The following NRG1 variants were observed in gnomAD, a reference collection of about 807,000 sequenced individuals.
NRG1 encodes the protein pro-neuregulin-1, membrane-bound isoform.
A neutral mutation model predicts 63.8 loss-of-function variants in NRG1; 18 were observed. The ratio of observed to expected loss-of-function variants is 0.28; its 90% CI spans 0.19 to 0.42. NRG1 has a LOEUF of 0.42. NRG1 is among the 10% of genes least tolerant of loss of function. NRG1 has a pLI of 1.00. For missense variants in NRG1, 762 were observed against 814.7 expected, an observed-to-expected ratio of 0.94 and a Z score of 0.79; for synonymous variants, 302 against 301.3, an observed-to-expected ratio of 1.00 and a Z score of -0.02.
At chr8:32,555,140 T>TGCAAGAGGA (rs1834877347) in intron 1 of NRG1, among the ~76,000 whole-genome samples, 3 of 152,192 alleles carry the variant, frequency 2.0e-5, no homozygotes, top group Admixed American at 6.5e-5. Flanking sequence ...TCTGTCAGAT[T>TGCAAGAGGA]AATTCCCTCT....
intron 1 of NRG1, among the ~76,000 whole-genome samples, chr8:32,183,253 G>T (rs568250622): frequency 5.5e-4 from 83 of 152,266 alleles, no homozygotes; most frequent in Middle Eastern, 6.8e-3. Flanking sequence ...GGGGATTTAT[G>T]AGTCACAAAG....
At chr8:32,454,946 A>G (rs1290386459) in intron 1 of NRG1, among the ~76,000 whole-genome samples, 1 of 152,190 alleles carries the variant, frequency 6.6e-6, no homozygotes, top group Non-Finnish European at 1.5e-5. Flanking sequence ...GTTTAGATGT[A>G]TAAATACTTA....
At chr8:32,298,695 CAA>C (rs1855190338) in intron 1 of NRG1, among the ~76,000 whole-genome samples, 1 of 109,252 alleles carries the variant, frequency 9.2e-6, no homozygotes, top group African/African-American at 3.6e-5. Flanking sequence ...TCCTGGGCAA[CAA>C]GAGCGAAACT....
At chr8:31,825,026 T>A (rs1002573001) in intron 1 of NRG1, among the ~76,000 whole-genome samples, 1 of 152,198 alleles carries the variant, frequency 6.6e-6, no homozygotes, top group Non-Finnish European at 1.5e-5. Context: ...GGTAAAAAAA[T>A]CGCCTCATTT....
intron 1 of NRG1, among the ~76,000 whole-genome samples, chr8:32,094,099 C>T (rs1380037230): frequency 6.6e-6 from 1 of 152,124 alleles, no homozygotes; most frequent in Non-Finnish European, 1.5e-5. Context: ...TGATATATAC[C>T]TGTATCCAGG....
At chr8:32,407,264 GTATATATATATTATATATATA>G (rs1185954101) in intron 1 of NRG1, among the ~76,000 whole-genome samples, 1 of 105,202 alleles carries the variant, frequency 9.5e-6, no homozygotes, top group South Asian at 2.9e-4. Flanking sequence ...ATGTGTGTGT[GTATATATATATTATATATATA>G]TATATATATT....
At chr8:31,712,372 G>A (rs1020040714) in intron 1 of NRG1, among the ~76,000 whole-genome samples, 2 of 145,924 alleles carry the variant, frequency 1.4e-5, no homozygotes, top group Non-Finnish European at 3.0e-5. Flanking sequence ...AGGTTCAAGC[G>A]ATTCTCCTGC....
At chr8:32,659,154 T>TC (rs1802237731) in intron 5 of NRG1, among the ~76,000 whole-genome samples, 1 of 150,700 alleles carries the variant, frequency 6.6e-6, no homozygotes, top group Admixed American at 6.6e-5. Flanking sequence ...TTCTTTTTTT[T>TC]TTTTTTTTGA....
rs1826602013 is a variant in NRG1 at position 32,742,551 on chromosome 8, G to T, written c.633-124G>T. On this transcript the variant is annotated intron_variant, in intron 6 of 11. Coordinates refer to ENST00000356819, the Ensembl canonical transcript of NRG1. The surrounding 1 kb of genome is among the most constrained non-coding windows in gnomAD (Gnocchi z 4.2). ...AAGCCATGATCAGGGCAAAGATTCA[G>T]TTCCTGAGGGTGAACTCACCAAGTT... is the stretch of plus-strand genomic sequence containing the variant. 1.2e-6 allele frequency: 1 copy of T among 832,506 alleles called. No individual in the cohort carries two copies. The highest frequency in any genetic ancestry group is 1.7e-5 in the African/African-American group (1 of 59,058). The allele number at this position is 832,506 out of a possible 1,614,324, so 51.6% of individuals were successfully genotyped here.
intron 1 of NRG1, among the ~76,000 whole-genome samples, chr8:31,746,183 C>T (rs1357159292): frequency 6.6e-6 from 1 of 151,804 alleles, no homozygotes; most frequent in Non-Finnish European, 1.5e-5. Context: ...AGAACAAAAA[C>T]TGCCCTAGGA....
chr8:32,157,111 C>G (rs1357454330), intron 1 of NRG1, among the ~76,000 whole-genome samples: 1 of 148,000 alleles, frequency 6.8e-6, no homozygotes, highest in African/African-American at 2.5e-5. Context: ...TGGCTCATAC[C>G]TGTAATCCCA....
At chr8:32,614,615 C>A (rs1428196795) in intron 4 of NRG1, 51 bp downstream of exon 4, 1 of 1,552,042 alleles carries the variant, frequency 6.4e-7, no homozygotes, top group African/African-American at 1.4e-5. Flanking sequence ...ACAACCATAA[C>A]TGCTGGCTGC....
At chr8:32,162,705 T>C (rs1340474283) in intron 1 of NRG1, among the ~76,000 whole-genome samples, 1 of 152,090 alleles carries the variant, frequency 6.6e-6, no homozygotes, top group African/African-American at 2.4e-5. Flanking sequence ...ATCCTGGGTG[T>C]CTTGAAAATT....
At chr8:32,328,281 G>T (rs1177800504) in intron 1 of NRG1, among the ~76,000 whole-genome samples, 1 of 152,120 alleles carries the variant, frequency 6.6e-6, no homozygotes, top group African/African-American at 2.4e-5. Flanking sequence ...CAATTATTTT[G>T]ATCAGAATGT....
chr8:32,647,626 C>T, intron 5 of NRG1: 2 of 1,470,590 alleles, frequency 1.4e-6, no homozygotes, highest in Non-Finnish European at 1.8e-6. Context: ...TTATCGATTT[C>T]CCCCTGTAAG....
In NRG1 at chr8:32,741,976, T is replaced by G. The variant is rs770590688; in HGVS notation, c.633-699T>G. On this transcript the variant is annotated intron_variant, in intron 6 of 11. Transcript: ENST00000356819. ...CTGAAAGCTCAGTGTCTTTAGCATT[T>G]TTTTTTTGCTTACCACATTTTTGCC... 1.2e-5 allele frequency: 19 copies of G among 1,586,678 alleles called. No individual in the cohort carries two copies. In the Admixed American group the frequency reaches 2.3e-4, roughly 20 times the overall value.
chr8:32,412,426 A>C (rs1377088506), intron 1 of NRG1, among the ~76,000 whole-genome samples: 39 of 44,342 alleles, frequency 8.8e-4, no homozygotes, highest in African/African-American at 2.9e-3. Flanking sequence ...CTCTCTACAT[A>C]TATATATATA....
chr8:32,095,226 G>T (rs1195071763), intron 1 of NRG1, among the ~76,000 whole-genome samples: 1 of 152,048 alleles, frequency 6.6e-6, no homozygotes, highest in Non-Finnish European at 1.5e-5. Context: ...AGCATTTTTT[G>T]ATGTCAGTTA....
intron 1 of NRG1, among the ~76,000 whole-genome samples, chr8:31,966,992 C>CTTCTAATTTCATAAATTAGAAG (rs1563628201): frequency 6.6e-6 from 1 of 152,122 alleles, no homozygotes; most frequent in East Asian, 1.9e-4. Flanking sequence ...ATAATTTTCA[C>CTTCTAATTTCATAAATTAGAAG]AGCACATTGC....
Sources: allele counts gnomAD v4.1 joint callset (sites outside exome capture counted in the v4.1 genomes callset), GRCh38; gene constraint gnomAD v4.1.1; non-coding constraint Gnocchi (gnomAD v3.1); transcripts MANE v1.5; gene names NCBI Gene and HGNC (gene_info 2026-07-23, HGNC 2026-07-21).